ATP2B4: variants seen among roughly 807,000 people sequenced by gnomAD.
ATP2B4 encodes plasma membrane calcium-transporting ATPase 4.
A neutral mutation model predicts 110.3 loss-of-function variants in ATP2B4; 39 were observed. The observed-to-expected ratio is 0.35, with a 90% CI of 0.27 to 0.46. ATP2B4 has a LOEUF of 0.46. Among genes scored for constraint, ATP2B4 ranks in the 20% least tolerant of loss-of-function variants. The probability of loss-of-function intolerance (pLI) is 1.00; values close to 1 mark genes in which losing one functional copy is unlikely to be tolerated. For missense variants in ATP2B4, 1,135 were observed against 1,530.9 expected (o/e 0.74, Z 4.32); for synonymous variants, 538 against 571.7 (o/e 0.94, Z 0.84).
chr1:203,658,082 T>C (rs1417605598), intron 1 of ATP2B4, among the ~76,000 whole-genome samples: 1 of 152,332 alleles, frequency 6.6e-6, no homozygotes. Context: ...TAATAGACTA[T>C]AGTATTGTGT....
chr1:203,709,631 A>C, intron 11 of ATP2B4, 89 bp downstream of exon 11: 2 of 1,574,166 alleles, frequency 1.3e-6, no homozygotes, highest in Middle Eastern at 1.7e-4. Context: ...CATGTGAATG[A>C]GGGAGCCCTC....
At chr1:203,690,807 C>G (rs1032261964) in intron 2 of ATP2B4, among the ~76,000 whole-genome samples, 1 of 152,142 alleles carries the variant, frequency 6.6e-6, no homozygotes, top group South Asian at 2.1e-4. Flanking sequence ...ACTCTGCCTA[C>G]CAAATTTTGG....
At chr1:203,670,687 C>T (rs887364910) in intron 1 of ATP2B4, among the ~76,000 whole-genome samples, 2 of 152,196 alleles carry the variant, frequency 1.3e-5, no homozygotes, top group Non-Finnish European at 2.9e-5. Flanking sequence ...GAAGTGATGC[C>T]TGCTCTGCTC....
chr1:203,727,637 G>A, intron 20 of ATP2B4, 66 bp downstream of exon 20: 1 of 1,587,186 alleles, frequency 6.3e-7, no homozygotes, highest in Non-Finnish European at 8.6e-7. Flanking sequence ...GGTGTTGGGA[G>A]GGTAGCAGTT....
chr1:203,678,868 C>T (rs1222567898), intron 1 of ATP2B4, among the ~76,000 whole-genome samples: 2 of 152,190 alleles, frequency 1.3e-5, no homozygotes, highest in Non-Finnish European at 2.9e-5. Flanking sequence ...GTATCTTCAT[C>T]TGTAAGGTGG....
chr1:203,681,933 T>TAAAAA (rs33945815), intron 1 of ATP2B4, among the ~76,000 whole-genome samples: 1 of 147,012 alleles, frequency 6.8e-6, no homozygotes. Flanking sequence ...TCCCCTTTAC[T>TAAAAA]AGAAAAAAAA....
chr1:203,729,566 G>T, intron 20 of ATP2B4: 19 of 424,366 alleles, frequency 4.5e-5, no homozygotes, highest in Non-Finnish European at 7.6e-5. Context: ...AAAAAAAGAA[G>T]AAGAAAAGTG....
At chr1:203,673,985 C>T (rs1048774422) in intron 1 of ATP2B4, among the ~76,000 whole-genome samples, 8 of 152,138 alleles carry the variant, frequency 5.3e-5, no homozygotes, top group African/African-American at 1.7e-4. Context: ...CCCCTTTGTT[C>T]CCTTGAAACC....
chr1:203,654,437 C>T (rs1367087065), intron 1 of ATP2B4, among the ~76,000 whole-genome samples: 1 of 152,192 alleles, frequency 6.6e-6, no homozygotes, highest in Non-Finnish European at 1.5e-5. Context: ...ATCTATTCTG[C>T]AGCTCATGGA....
chr1:203,654,917 A>AT (rs397830783), intron 1 of ATP2B4, among the ~76,000 whole-genome samples: 2 of 482 alleles, frequency 4.1e-3, no homozygotes, highest in Non-Finnish European at 0.029. Context: ...AAAGAAAAAG[A>AT]TATTCATGAT....
intron 1 of ATP2B4, among the ~76,000 whole-genome samples, chr1:203,658,847 T>C (rs1664245667): frequency 6.6e-6 from 1 of 151,696 alleles, no homozygotes; most frequent in Non-Finnish European, 1.5e-5. Flanking sequence ...CTACTAAAAA[T>C]ACAAAAATTA....
At chr1:203,719,757 T>C (rs1281179467) in intron 15 of ATP2B4, among the ~76,000 whole-genome samples, 1 of 128,444 alleles carries the variant, frequency 7.8e-6, no homozygotes, top group African/African-American at 3.6e-5. Flanking sequence ...TAAATAAATG[T>C]AATATATTCA....
intron 1 of ATP2B4, among the ~76,000 whole-genome samples, chr1:203,681,973 A>G (rs1665029439): frequency 6.6e-6 from 1 of 150,638 alleles, no homozygotes; most frequent in African/African-American, 2.4e-5. Flanking sequence ...CCAACTGCCA[A>G]AGCATTTTAC....
Position 203,707,981 on chromosome 1 carries a change from A to G in ATP2B4, c.1434A>G (p.Val478=). Residue 478 remains valine, a synonymous_variant, in exon 10 of 21, where the codon GTA becomes GTG. Transcript: ENST00000357681. ...GTLTMNRMTV[V]QAYIGGIHYR... ...TGACCATGAACCGCATGACTGTGGT[A>G]CAAGCTTATATTGGGGGCATCCATT... is the stretch of plus-strand genomic sequence containing the variant. 6.2e-7 allele frequency: 1 copy of G among 1,614,222 alleles called. No homozygotes were observed. Among genetic ancestry groups the G allele is most frequent in the Admixed American group, 1.7e-5 (1 of 60,020 alleles).
chr1:203,722,951 C>T (rs1453634814), intron 18 of ATP2B4, among the ~76,000 whole-genome samples: 1 of 152,144 alleles, frequency 6.6e-6, no homozygotes, highest in Non-Finnish European at 1.5e-5. Context: ...CATGATCTTT[C>T]TAAATACACA....
intron 1 of ATP2B4, among the ~76,000 whole-genome samples, chr1:203,653,984 TA>T (rs1395008661): frequency 1.6e-3 from 62 of 39,298 alleles, no homozygotes; most frequent in African/African-American, 2.5e-3. Flanking sequence ...TATATATATA[TA>T]TTTTTTTTTT....
chr1:203,694,676 C>CT (rs1444431286), intron 2 of ATP2B4, among the ~76,000 whole-genome samples: 2 of 152,038 alleles, frequency 1.3e-5, no homozygotes, highest in African/African-American at 4.8e-5. Context: ...TAGTTTTACT[C>CT]TAAGTAAAAG....
intron 1 of ATP2B4, among the ~76,000 whole-genome samples, chr1:203,633,285 G>C (rs1420353403): frequency 1.3e-5 from 2 of 152,148 alleles, no homozygotes; most frequent in Non-Finnish European, 2.9e-5. Context: ...GGAGCAGGGA[G>C]GGAAAACTCT....
At chr1:203,731,450 A>T (rs948467626) in intron 20 of ATP2B4, among the ~76,000 whole-genome samples, 54 of 152,200 alleles carry the variant, frequency 3.5e-4, no homozygotes, top group African/African-American at 1.2e-3. Context: ...ATTCTACCAG[A>T]TTCATGAAGG....
Sources: gnomAD v4.1 joint callset for allele counts (sites outside exome capture counted in the v4.1 genomes callset) on GRCh38, gnomAD v4.1.1 for gene constraint, MANE v1.5 for transcripts, NCBI Gene and HGNC (gene_info 2026-07-23, HGNC 2026-07-21) for gene names.